RBP5: variants seen among roughly 807,000 people sequenced by gnomAD.
The protein encoded by RBP5 is retinol binding protein 5, also known as retinol-binding protein 5.
RBP5 carries 12 observed loss-of-function variants against 17.8 expected under a neutral mutation model. The ratio of observed to expected loss-of-function variants is 0.67; its 90% CI spans 0.43 to 1.09. The LOEUF (loss-of-function observed/expected upper bound fraction) is 1.09. Ranked by LOEUF, RBP5 falls within the 50% of genes least tolerant of loss-of-function variation. RBP5 has a pLI of 0.00. For missense variants in RBP5, 172 were observed against 169.4 expected, an observed-to-expected ratio of 1.02 and a Z score of -0.09; for synonymous variants, 64 against 68.1, an observed-to-expected ratio of 0.94 and a Z score of 0.30.
Position 7,124,022 on chromosome 12 carries a change from G to A in RBP5, c.*99C>T. 8.6e-7 allele frequency: 1 copy of A among 1,160,826 alleles called. No individual in the cohort carries two copies. The highest frequency in any genetic ancestry group is 1.2e-5 in the South Asian group (1 of 81,676). 71.9% of individuals were successfully genotyped at this position (1,160,826 alleles called of 1,614,324 possible). A position where few individuals can be genotyped will look rare whatever the true frequency, so the allele number is the denominator to read the frequency against. ...CCCAGAGGGAGGAAAGGTGGCCAGA[G>A]GAAGGGACAGCTGACCTGGCACAAT... On this transcript the variant is annotated 3_prime_UTR_variant, in exon 4 of 4. Coordinates refer to ENST00000266560, the MANE Select transcript of RBP5 (RefSeq NM_031491.4). The surrounding 1 kb of genome is among the most constrained non-coding windows in gnomAD (Gnocchi z 5.3).
downstream of RBP5, among the ~76,000 whole-genome samples, chr12:7,120,158 T>C (rs1476206052): frequency 2.6e-5 from 4 of 152,052 alleles, no homozygotes; most frequent in African/African-American, 9.7e-5. Context: ...CACCCCCAGC[T>C]AGATGGTGGG....
chr12:7,128,562 G>T lies in RBP5; in HGVS notation c.73+141C>A. 1 of 1,180,984 alleles carries T rather than the reference G, an allele frequency of 8.5e-7. No homozygotes were observed. The highest frequency in any genetic ancestry group is 1.2e-6 in the Non-Finnish European group (1 of 814,850). 73.2% of individuals were successfully genotyped at this position (1,180,984 alleles called of 1,614,324 possible). A position where few individuals can be genotyped will look rare whatever the true frequency, so the allele number is the denominator to read the frequency against. On this transcript the variant is annotated intron_variant, in intron 1 of 3. Transcript: ENST00000266560. The surrounding 1 kb of genome is among the most constrained non-coding windows in gnomAD (Gnocchi z 5.3). ...CTCCTACCAATGCCTGGTTAGAAATGGATCCCAGGTCTGGTGCCAGCCGCC... is the reference window on the plus strand; with the variant it reads ...CTCCTACCAATGCCTGGTTAGAAATTGATCCCAGGTCTGGTGCCAGCCGCC...
chr12:7,124,629 C>G lies in RBP5; in HGVS notation c.354G>C (p.Leu118=). Residue 118 remains leucine (L), a splice_region_variant and synonymous_variant, in exon 3 of 4, where the codon CTG becomes CTC. Transcript: ENST00000266560. The surrounding 1 kb of genome is among the most constrained non-coding windows in gnomAD (Gnocchi z 5.3). ...RHWLEGEMLY[L]ELTARDAVCE... The stretch of plus-strand genomic sequence containing the variant: ...GACACCCAGCCCCCACCCCATTTAC[C>G]AGATACAGCATCTCTCCCTCCAGCC... 1 of 1,541,122 alleles carries G rather than the reference C, an allele frequency of 6.5e-7. No individual in the cohort carries two copies. Among genetic ancestry groups the G allele is most frequent in the Non-Finnish European group, 9.0e-7 (1 of 1,113,586 alleles).
At chr12:7,129,783 A>G (rs1284828432), upstream of RBP5, 19 of 985,506 alleles carry the variant, frequency 1.9e-5, no homozygotes, top group African/African-American at 5.2e-5. This position sits in a 1 kb window ranked among gnomAD's most constrained non-coding sequence, Gnocchi z 5.5. Context: ...TTCGGGGCGA[A>G]GGAGGCAGGA....
In RBP5 at chr12:7,128,308, T is replaced by G; in HGVS notation, c.184A>C (p.Thr62Pro). Reference sequence around the variant, plus strand: ...TCCACTCCCACATCAAACTGCACAGTGTAGTTTCGGAAGGTGCTGAGCGTC... The same window carrying G: ...TCCACTCCCACATCAAACTGCACAGGGTAGTTTCGGAAGGTGCTGAGCGTC... ...VRTLSTFRNYTVQFDVGVEFE... is the reference protein window; with the variant it reads ...VRTLSTFRNYPVQFDVGVEFE... The change falls in exon 2 of 4, where the codon ACT (threonine) becomes CCT (proline). Residue 62 changes from threonine (T) to proline (P), a missense_variant. Transcript: ENST00000266560. The surrounding 1 kb of genome is among the most constrained non-coding windows in gnomAD (Gnocchi z 5.3). The G allele has an allele frequency of 1.2e-6, 2 of 1,614,178 alleles. No individual in the cohort carries two copies. The highest frequency in any genetic ancestry group is 1.7e-6 in the Non-Finnish European group (2 of 1,180,024).
At chr12:7,129,820 C>G (rs939145781), upstream of RBP5, 19 of 985,530 alleles carry the variant, frequency 1.9e-5, no homozygotes, top group African/African-American at 3.3e-4. This position sits in a 1 kb window ranked among gnomAD's most constrained non-coding sequence, Gnocchi z 5.5. Context: ...GGCGGCCGGT[C>G]CCGACAGGTG....
At chr12:7,120,131 G>C (rs777039018), downstream of RBP5, among the ~76,000 whole-genome samples, 51 of 152,194 alleles carry the variant, frequency 3.4e-4, no homozygotes, top group Non-Finnish European at 3.2e-4. Flanking sequence ...GGGTGGGGTA[G>C]GGGGAGGCAG....
intron 2 of RBP5, among the ~76,000 whole-genome samples, chr12:7,126,517 GT>G (rs1565645350): frequency 0.017 from 1,456 of 88,236 alleles, 11 homozygotes; most frequent in African/African-American, 0.028. Context: ...GGTGGTGTGT[GT>G]GTGTGTGTGT....
chr12:7,128,575 G>A lies in RBP5; in HGVS notation c.73+128C>T. On this transcript the variant is annotated intron_variant, in intron 1 of 3. Coordinates refer to ENST00000266560, the MANE Select transcript of RBP5 (RefSeq NM_031491.4). The surrounding 1 kb of genome is among the most constrained non-coding windows in gnomAD (Gnocchi z 5.3). ...CTGGTTAGAAATGGATCCCAGGTCT[G>A]GTGCCAGCCGCCTGAGCCTTTCCAC... 8.5e-7 allele frequency: 1 copy of A among 1,182,276 alleles called. No individual in the cohort carries two copies. 73.2% of individuals were successfully genotyped at this position (1,182,276 alleles called of 1,614,324 possible). A position where few individuals can be genotyped will look rare whatever the true frequency, so the allele number is the denominator to read the frequency against.
At chr12:7,126,518 T>TGGTG (rs1565645370) in intron 2 of RBP5, among the ~76,000 whole-genome samples, 5 of 91,156 alleles carry the variant, frequency 5.5e-5, no homozygotes, top group Middle Eastern at 5.2e-3. Context: ...GTGGTGTGTG[T>TGGTG]GTGTGTGTGT....
intron 2 of RBP5, among the ~76,000 whole-genome samples, chr12:7,125,228 A>AG (rs764429299): frequency 6.6e-6 from 1 of 152,098 alleles, no homozygotes; most frequent in Non-Finnish European, 1.5e-5. Context: ...AAGGTCACCG[A>AG]GGGGGGCCCA....
rs1256496087 is a variant in RBP5, at chr12:7,124,028, GA to G, written c.*92del. The stretch of plus-strand genomic sequence containing the variant: ...GGGAGGAAAGGTGGCCAGAGGAAGG[GA>G]CAGCTGACCTGGCACAATCTGGGCT... On this transcript the variant is annotated 3_prime_UTR_variant, in exon 4 of 4. Coordinates refer to ENST00000266560, the MANE Select transcript of RBP5 (RefSeq NM_031491.4). This position sits in a 1 kb window ranked among gnomAD's most constrained non-coding sequence, Gnocchi z 5.3. 2.4e-6 allele frequency: 3 copies of G among 1,236,684 alleles called. No homozygotes were observed. The highest frequency in any genetic ancestry group is 1.5e-5 in the African/African-American group (1 of 67,702). 76.6% of individuals were successfully genotyped at this position (1,236,684 alleles called of 1,614,324 possible).
chr12:7,121,225 G>A (rs1430688731), downstream of RBP5, among the ~76,000 whole-genome samples: 1 of 151,944 alleles, frequency 6.6e-6, no homozygotes, highest in Non-Finnish European at 1.5e-5. Context: ...GGTACTTAAG[G>A]CTAGACCAGA....
chr12:7,124,739 G>C lies in RBP5; in HGVS notation c.253-9C>G. ...TCCCAGGTTACTATGGTCTATAGGGGAAAGAGGGAGTAAAGAAAGATTAGG... is the reference window on the plus strand; with the variant it reads ...TCCCAGGTTACTATGGTCTATAGGGCAAAGAGGGAGTAAAGAAAGATTAGG... On this transcript the variant is annotated splice_polypyrimidine_tract_variant and intron_variant, in intron 2 of 3. Coordinates refer to ENST00000266560, the MANE Select transcript of RBP5 (RefSeq NM_031491.4). This position sits in a 1 kb window ranked among gnomAD's most constrained non-coding sequence, Gnocchi z 5.3. 1 of 1,521,756 alleles carries C rather than the reference G, an allele frequency of 6.6e-7. No homozygotes were observed. Among genetic ancestry groups the C allele is most frequent in the Non-Finnish European group, 9.1e-7 (1 of 1,096,258 alleles). 94.3% of individuals were successfully genotyped at this position (1,521,756 alleles called of 1,614,324 possible). A position where few individuals can be genotyped will look rare whatever the true frequency, so the allele number is the denominator to read the frequency against.
At chr12:7,123,080 C>T (rs117827303), downstream of RBP5, among the ~76,000 whole-genome samples, 3,899 of 152,272 alleles carry the variant, frequency 0.026, 71 homozygotes, top group South Asian at 0.051. Context: ...ATTGAGCCCT[C>T]TTCACTCTGA....
chr12:7,116,858 G>A (rs1011072783), exon 4 of RBP5: 1 of 147,720 alleles, frequency 6.8e-6, no homozygotes, highest in African/African-American at 2.6e-5. Flanking sequence ...GGGGTCATTT[G>A]CAATGAAATT....
Position 7,128,317 on chromosome 12 carries a change from G to A in RBP5, c.175C>T (p.Arg59Ter), listed in dbSNP as rs759115714. 131 of 1,613,830 alleles carry A rather than the reference G, an allele frequency of 8.1e-5. No homozygotes were observed. Among genetic ancestry groups the A allele is most frequent in the Middle Eastern group, 3.3e-4 (2 of 6,062 alleles). ...ACATCAAACTGCACAGTGTAGTTTC[G>A]GAAGGTGCTGAGCGTCCTCACCGTC... is the stretch of plus-strand genomic sequence containing the variant. Reference protein sequence around the residue: ...HMTVRTLSTFRNYTVQFDVGV... With the variant: ...HMTVRTLSTF Residue 59 changes from arginine (R) to a stop codon, truncating the protein, a stop_gained, in exon 2 of 4, where the codon CGA (arginine) becomes TGA (stop). Coordinates refer to ENST00000266560, the MANE Select transcript of RBP5 (RefSeq NM_031491.4). LOFTEE classifies it high-confidence loss of function. This position sits in a 1 kb window ranked among gnomAD's most constrained non-coding sequence, Gnocchi z 5.3.
At chr12:7,126,069 C>A (rs1245670966) in intron 2 of RBP5, among the ~76,000 whole-genome samples, 35 of 139,960 alleles carry the variant, frequency 2.5e-4, no homozygotes, top group Non-Finnish European at 2.4e-4. Flanking sequence ...CCACCTCTAC[C>A]AAAAAAAAAA....
intron 2 of RBP5, chr12:7,127,488 T>C: frequency 3.4e-6 from 2 of 592,978 alleles, no homozygotes; most frequent in Middle Eastern, 4.5e-4. Context: ...GCAATGTACA[T>C]GCTCTGTAAA....
Sources: gnomAD v4.1 joint callset for allele counts (sites outside exome capture counted in the v4.1 genomes callset) on GRCh38, gnomAD v4.1.1 for gene constraint, Gnocchi (gnomAD v3.1) non-coding constraint, MANE v1.5 for transcripts, NCBI Gene and HGNC (gene_info 2026-07-23, HGNC 2026-07-21) for gene names.